Variants in PTPRS observed in about 807,000 individuals in gnomAD.
PTPRS encodes the protein protein tyrosine phosphatase receptor type S, also known as receptor-type tyrosine-protein phosphatase S.
Under a neutral mutation model 215.3 loss-of-function variants are expected in PTPRS, and 63 were observed. The ratio of observed to expected loss-of-function variants is 0.29; its 90% confidence interval spans 0.24 to 0.36. The LOEUF (loss-of-function observed/expected upper bound fraction) is 0.36, where lower values mean the gene tolerates loss of function less well. Among genes scored for constraint, PTPRS ranks in the 10% least tolerant of loss-of-function variants. PTPRS has a pLI of 1.00. For synonymous variants in PTPRS, 1,404 were observed against 1,191.4 expected (o/e 1.18, Z -3.68); for missense variants, 2,258 against 2,825.8 (o/e 0.80, Z 4.56).
At position 5,244,061 on chromosome 19, in the gene PTPRS, G is replaced by A. The variant is rs200277436; in HGVS notation, c.1410C>T (p.His470=). Residue 470 remains histidine, a synonymous_variant, in exon 11 of 38, where the codon CAC becomes CAT. Coordinates refer to ENST00000262963, the MANE Select transcript of PTPRS (RefSeq NM_002850.4). This position sits in a 1 kb window ranked among gnomAD's most constrained non-coding sequence, Gnocchi z 7.2. The part of the protein sequence containing the change: ...YRVYYTMEPE[H]PVGNWQKHNV... ...TGTGCTTCTGCCAGTTGCCCACGGG[G>A]TGCTCCGGTTCCATGGTGTAGTAGA... is the stretch of plus-strand genomic sequence containing the variant. The A allele has an allele frequency of 1.1e-4, 173 of 1,610,730 alleles. No individual in the cohort carries two copies. Among genetic ancestry groups the A allele is most frequent in the Non-Finnish European group, 1.4e-4 (163 of 1,179,908 alleles).
chr19:5,289,003 CTACAG>C (rs1232949680), intron 1 of PTPRS, among the ~76,000 whole-genome samples: 1 of 151,976 alleles, frequency 6.6e-6, no homozygotes, highest in Non-Finnish European at 1.5e-5. Flanking sequence ...GGACGAGGGG[CTACAG>C]TAACAGGAGC....
chr19:5,214,522 A>G (rs9304921), intron 29 of PTPRS, 39 bp downstream of exon 29: 1,173,498 of 1,611,810 alleles, frequency 0.73, 430,047 homozygotes, highest in African/African-American at 0.95. Flanking sequence ...GGACAGGCTG[A>G]CTGGCAGGGG....
intron 9 of PTPRS, among the ~76,000 whole-genome samples, chr19:5,250,474 G>A (rs1038078125): frequency 6.6e-6 from 1 of 152,132 alleles, no homozygotes; most frequent in African/African-American, 2.4e-5. Flanking sequence ...GAGAGGCCCC[G>A]CGGGACCCCC....
intron 9 of PTPRS, among the ~76,000 whole-genome samples, chr19:5,255,819 T>A (rs1342691650): frequency 1.3e-5 from 2 of 152,180 alleles, no homozygotes; most frequent in Non-Finnish European, 2.9e-5. Context: ...GAGGCGACCA[T>A]AATGCAAGCA....
chr19:5,306,481 C>A (rs577053953), intron 1 of PTPRS, among the ~76,000 whole-genome samples: 1 of 152,146 alleles, frequency 6.6e-6, no homozygotes, highest in East Asian at 1.9e-4. Context: ...AAATGATATT[C>A]TGTTCGAATC....
intron 1 of PTPRS, among the ~76,000 whole-genome samples, chr19:5,306,851 C>T (rs1200664966): frequency 6.6e-6 from 1 of 152,162 alleles, no homozygotes; most frequent in Non-Finnish European, 1.5e-5. Flanking sequence ...TATTATCTTC[C>T]GAAGTTAAGT....
At chr19:5,302,647 C>A (rs577657034) in intron 1 of PTPRS, among the ~76,000 whole-genome samples, 1 of 152,156 alleles carries the variant, frequency 6.6e-6, no homozygotes, top group Non-Finnish European at 1.5e-5. Flanking sequence ...TCTTCCCTGA[C>A]GTGTTAGGAG....
intron 6 of PTPRS, among the ~76,000 whole-genome samples, chr19:5,261,858 G>A (rs8103052): frequency 0.6 from 90,892 of 152,124 alleles, 28,704 homozygotes; most frequent in East Asian, 0.81. Context: ...ACCCTTTAGA[G>A]GGGAGCAAAC....
At chr19:5,317,817 C>G (rs1284109291) in intron 1 of PTPRS, among the ~76,000 whole-genome samples, 1 of 152,020 alleles carries the variant, frequency 6.6e-6, no homozygotes, top group East Asian at 1.9e-4. Context: ...AGGTGGATCA[C>G]CTGCACTCAG....
chr19:5,235,280 T>C (rs2043348414), intron 13 of PTPRS, among the ~76,000 whole-genome samples: 1 of 151,554 alleles, frequency 6.6e-6, no homozygotes, highest in Non-Finnish European at 1.5e-5. Flanking sequence ...GTGCCAAGCA[T>C]CGTGCTAAGG....
chr19:5,216,331 C>T (rs926881341), intron 26 of PTPRS, among the ~76,000 whole-genome samples: 2 of 152,108 alleles, frequency 1.3e-5, no homozygotes, highest in African/African-American at 2.4e-5. Flanking sequence ...ACCTGTGTAC[C>T]GGATGTTCAG....
Position 5,229,612 on chromosome 19 carries a change from G to A in PTPRS, c.2228C>T (p.Ser743Leu), listed in dbSNP as rs2042842928. Residue 743 changes from serine to leucine, a missense_variant, in exon 15 of 38, where the codon TCG becomes TTG. Ser to Leu is a moderately radical substitution (Grantham distance 145, BLOSUM62 -2). Around this residue, in one of 6 missense-constraint regions of PTPRS, gnomAD observed 371 missense variants for 446.7 expected, o/e 0.83. Transcript: ENST00000262963. ...GCCGTGCTGCCGGCCGGGCGCGGGCGAGCGCCACAGCACGCGGATGGCCGT... is the reference window on the plus strand; with the variant it reads ...GCCGTGCTGCCGGCCGGGCGCGGGCAAGCGCCACAGCACGCGGATGGCCGT... ...NATAIRVLWR[S>L]PAPGRQHGQI... The A allele has an allele frequency of 7.1e-7, 1 of 1,416,264 alleles. No individual in the cohort carries two copies. The highest frequency in any genetic ancestry group is 9.2e-7 in the Non-Finnish European group (1 of 1,086,028). The allele number at this position is 1,416,264 out of a possible 1,614,324, so 87.7% of individuals were successfully genotyped here.
intron 1 of PTPRS, among the ~76,000 whole-genome samples, chr19:5,302,900 A>G (rs985849139): frequency 2.6e-4 from 26 of 101,268 alleles, no homozygotes; most frequent in Non-Finnish European, 1.8e-4. Context: ...TACTAAAAAT[A>G]CAAAAAAAAA....
chr19:5,289,014 G>T (rs1331548269), intron 1 of PTPRS, among the ~76,000 whole-genome samples: 5 of 151,096 alleles, frequency 3.3e-5, no homozygotes, highest in African/African-American at 1.2e-4. Context: ...TACAGTAACA[G>T]GAGCATTTGG....
At chr19:5,310,652 A>G (rs963973276) in intron 1 of PTPRS, among the ~76,000 whole-genome samples, 1 of 151,842 alleles carries the variant, frequency 6.6e-6, no homozygotes, top group Non-Finnish European at 1.5e-5. Context: ...GCATACAGTC[A>G]ATCCTTAACA....
intron 9 of PTPRS, among the ~76,000 whole-genome samples, chr19:5,254,744 G>A (rs760784559): frequency 1.7e-4 from 26 of 152,182 alleles, no homozygotes; most frequent in Non-Finnish European, 3.4e-4. Context: ...GGGGATGGGG[G>A]AAGCAGCCAG....
chr19:5,222,552 G>A lies in PTPRS; in HGVS notation c.3103+137C>T, dbSNP rs1339400984. ...ACCTTTGCCAACGCCGGAGCCTCGG[G>A]GTCCGGACTTGCCTTGAGTGACCAC... On this transcript the variant is annotated intron_variant, in intron 18 of 37. Transcript: ENST00000262963. 8.7e-6 allele frequency: 9 copies of A among 1,037,128 alleles called. 1 individual carries two copies. The highest frequency in any genetic ancestry group is 1.1e-5 in the Non-Finnish European group (8 of 743,226). The allele number at this position is 1,037,128 out of a possible 1,614,324, so 64.2% of individuals were successfully genotyped here.
intron 4 of PTPRS, among the ~76,000 whole-genome samples, chr19:5,271,500 C>T (rs1408760910): frequency 1.3e-5 from 2 of 150,758 alleles, no homozygotes; most frequent in Admixed American, 6.6e-5. Context: ...CAGGTTCAAA[C>T]GATCCTCTCC....
At chr19:5,290,488 G>A (rs1021899898) in intron 1 of PTPRS, among the ~76,000 whole-genome samples, 2 of 152,182 alleles carry the variant, frequency 1.3e-5, no homozygotes, top group Non-Finnish European at 2.9e-5. Context: ...CGCGATCTGG[G>A]AGCCGGCTTT....
Sources: gnomAD v4.1 joint callset for allele counts (sites outside exome capture counted in the v4.1 genomes callset) on GRCh38, gnomAD v4.1.1 for gene constraint, gnomAD v4.1.1 regional missense constraint, Gnocchi (gnomAD v3.1) non-coding constraint, MANE v1.5 for transcripts, NCBI Gene and HGNC (gene_info 2026-07-23, HGNC 2026-07-21) for gene names.